Variants in FAM90A1 observed in about 807,000 individuals in gnomAD.
FAM90A1 encodes protein FAM90A1.
In FAM90A1, 10 loss-of-function variants were observed where a neutral mutation model predicts 14.8. That is an observed-to-expected ratio of 0.67 (90% confidence interval 0.42 to 1.14). The LOEUF is 1.14. Ranked by LOEUF, FAM90A1 falls within the 50% of genes most tolerant of loss-of-function variation. The probability of loss-of-function intolerance (pLI) is 0.00; values close to 1 mark genes in which losing one functional copy is unlikely to be tolerated. For synonymous variants in FAM90A1, 236 were observed against 248.4 expected (o/e 0.95, Z 0.47); for missense variants, 567 against 602.8 (o/e 0.94, Z 0.62).
Position 8,221,536 on chromosome 12 carries a change from G to T in FAM90A1, c.*286C>A, listed in dbSNP as rs1437144383. The stretch of plus-strand genomic sequence containing the variant: ...ACGTCCCAGCGGAAGTCTGACTCCT[G>T]CGCGTCATGCAGTTTCTGAGGCAAC... On this transcript the variant is annotated 3_prime_UTR_variant, in exon 7 of 7. Transcript: ENST00000538603. The T allele has an allele frequency of 1.6e-5, 8 of 512,078 alleles. No individual in the cohort carries two copies. The highest frequency in any genetic ancestry group is 2.8e-5 in the Non-Finnish European group (8 of 285,076). 31.7% of individuals were successfully genotyped at this position (512,078 alleles called of 1,614,324 possible).
In FAM90A1 at chr12:8,221,707, C is replaced by T. The variant is rs1416768280; in HGVS notation, c.*115G>A. Reference sequence around the variant, plus strand: ...CCCACATCCACAGAAGGGCCACAGCCGGGGAGCTTCGGAGTCACCGCACAG... The same window carrying T: ...CCCACATCCACAGAAGGGCCACAGCTGGGGAGCTTCGGAGTCACCGCACAG... On this transcript the variant is annotated 3_prime_UTR_variant, in exon 7 of 7. Transcript: ENST00000538603. 15 of 1,216,128 alleles carry T rather than the reference C, an allele frequency of 1.2e-5. No individual in the cohort carries two copies. Among genetic ancestry groups the T allele is most frequent in the Non-Finnish European group, 1.6e-5 (14 of 858,236 alleles). The allele number at this position is 1,216,128 out of a possible 1,614,324, so 75.3% of individuals were successfully genotyped here. A position where few individuals can be genotyped will look rare whatever the true frequency, so the allele number is the denominator to read the frequency against.
In FAM90A1 at chr12:8,227,533, T is replaced by A. The variant is rs1948968131; in HGVS notation, c.-474A>T. The A allele has an allele frequency of 2.1e-6, 2 of 963,930 alleles. No homozygotes were observed. Among genetic ancestry groups the A allele is most frequent in the African/African-American group, 3.4e-5 (2 of 58,458 alleles). The allele number at this position is 963,930 out of a possible 1,614,324, so 59.7% of individuals were successfully genotyped here. ...CTGGCTGCAGGTGCAGGGCTATGCGTCAGGGGTCAGGGTGCACACATCCCT... is the reference window on the plus strand; with the variant it reads ...CTGGCTGCAGGTGCAGGGCTATGCGACAGGGGTCAGGGTGCACACATCCCT... On this transcript the variant is annotated 5_prime_UTR_variant, in exon 1 of 7. Transcript: ENST00000538603.
At chr12:8,224,322 A>C (rs1389474904) in intron 4 of FAM90A1, 107 bp from the exon 5 acceptor site, 1 of 1,012,560 alleles carries the variant, frequency 9.9e-7, no homozygotes, top group East Asian at 2.5e-5. Flanking sequence ...TAAGGATTCC[A>C]AAGAGGGGAC....
In FAM90A1 at chr12:8,221,819, G is replaced by T. The variant is rs768258971; in HGVS notation, c.*3C>A. The T allele has an allele frequency of 1.9e-6, 3 of 1,595,700 alleles. No homozygotes were observed. In the Admixed American group the frequency reaches 5.0e-5, roughly 27 times the overall value. Reference sequence around the variant, plus strand: ...GGCCAAGGAGCCCCTGCCACCTGCAGTCTCACTCCAGGTCAGAATCGCTGT... The same window carrying T: ...GGCCAAGGAGCCCCTGCCACCTGCATTCTCACTCCAGGTCAGAATCGCTGT... On this transcript the variant is annotated 3_prime_UTR_variant, in exon 7 of 7. Transcript: ENST00000538603.
In FAM90A1 at chr12:8,224,697, G is replaced by A; in HGVS notation, c.123+13C>T. The A allele has an allele frequency of 2.6e-6, 3 of 1,171,498 alleles. No homozygotes were observed. Among genetic ancestry groups the A allele is most frequent in the South Asian group, 2.5e-5 (2 of 78,582 alleles). The allele number at this position is 1,171,498 out of a possible 1,614,324, so 72.6% of individuals were successfully genotyped here. A position where few individuals can be genotyped will look rare whatever the true frequency, so the allele number is the denominator to read the frequency against. ...CCCACCCCAATACCCAAGAGATCCA[G>A]GGCTAGACTTACCCTGGGATCTTCT... is the stretch of plus-strand genomic sequence containing the variant. On this transcript the variant is annotated intron_variant, in intron 4 of 6. Coordinates refer to ENST00000538603, the MANE Select transcript of FAM90A1 (RefSeq NM_018088.3).
chr12:8,227,396 G>T (rs1257511712), intron 1 of FAM90A1, 84 bp downstream of exon 1: 2 of 382,850 alleles, frequency 5.2e-6, no homozygotes, highest in African/African-American at 2.1e-5. Flanking sequence ...TCAGGGCAGC[G>T]GGAGTCCTCG....
In FAM90A1 at chr12:8,222,445, C is replaced by T. The variant is rs2120831145; in HGVS notation, c.772G>A (p.Ala258Thr). The T allele has an allele frequency of 5.0e-6, 8 of 1,597,314 alleles. No homozygotes were observed. The highest frequency in any genetic ancestry group is 4.5e-5 in the South Asian group (4 of 89,170). The change falls in exon 7 of 7, where the codon GCA becomes ACA. Residue 258 changes from alanine (A) to threonine (T), a missense_variant. By Grantham distance (58) the Ala-to-Thr change is moderately conservative. Coordinates refer to ENST00000538603, the MANE Select transcript of FAM90A1 (RefSeq NM_018088.3). Reference sequence around the variant, plus strand: ...GTCACCGCAGGACGTTTGTCTTGTGCCTGGGGGCTGACGGCCTGGAGCAGG... The same window carrying T: ...GTCACCGCAGGACGTTTGTCTTGTGTCTGGGGGCTGACGGCCTGGAGCAGG... ...HGLLQAVSPQ[A>T]QDKRPAVTSQ...
chr12:8,225,622 T>C (rs1948926506), intron 3 of FAM90A1, among the ~76,000 whole-genome samples: 1 of 152,026 alleles, frequency 6.6e-6, no homozygotes, highest in African/African-American at 2.4e-5. Context: ...CATGCTGCAG[T>C]ACATTTCTTT....
chr12:8,224,495 AAGT>A (rs1948897649), intron 4 of FAM90A1, among the ~76,000 whole-genome samples: 1 of 152,230 alleles, frequency 6.6e-6, no homozygotes, highest in East Asian at 1.9e-4. Flanking sequence ...ACAGGACTCT[AAGT>A]AGAAAGGGAG....
At position 8,226,408 on chromosome 12, in the gene FAM90A1, G is replaced by A. The variant is rs1948944925; in HGVS notation, c.-350C>T. On this transcript the variant is annotated 5_prime_UTR_variant, in exon 2 of 7. Transcript: ENST00000538603. ...TCCCCACGGTAGGTCTGTCAGCAGA[G>A]AACCCTGACCACACACTCATGTGTT... 1 of 152,242 alleles carries A rather than the reference G, an allele frequency of 6.6e-6. No individual in the cohort carries two copies. The highest frequency in any genetic ancestry group is 2.1e-4 in the South Asian group (1 of 4,832). 9.4% of individuals were successfully genotyped at this position (152,242 alleles called of 1,614,324 possible). A position where few individuals can be genotyped will look rare whatever the true frequency, so the allele number is the denominator to read the frequency against.
chr12:8,222,682 C>G lies in FAM90A1; in HGVS notation c.535G>C (p.Val179Leu). Residue 179 changes from valine to leucine, a missense_variant, in exon 7 of 7, where the codon GTC (valine) becomes CTC (leucine). Val to Leu is a conservative substitution (Grantham distance 32). Transcript: ENST00000538603. ...SATEMSDRGS[V>L]LASLSPLRKA... ...CTGAGGGGAGACAGTGAAGCTAAGA[C>G]GGAGCCCCTGTCAGACATTTCGGTA... 1 of 1,609,974 alleles carries G rather than the reference C, an allele frequency of 6.2e-7. No individual in the cohort carries two copies. Among genetic ancestry groups the G allele is most frequent in the African/African-American group, 1.3e-5 (1 of 74,972 alleles).
intron 4 of FAM90A1, 61 bp from the exon 5 acceptor site, chr12:8,224,276 G>A (rs747579398): frequency 7.2e-5 from 97 of 1,349,914 alleles, no homozygotes; most frequent in Non-Finnish European, 4.4e-5. Flanking sequence ...CCGATCCCAC[G>A]TCAACATTGA....
At position 8,222,296 on chromosome 12, in the gene FAM90A1, T is replaced by C. The variant is rs776047494; in HGVS notation, c.921A>G (p.Lys307=). ...GGATCTGGAAGGGACCCAGTCTCGGTTTCTTGGGGAAGTTCAGGCAAGCCT... is the reference window on the plus strand; with the variant it reads ...GGATCTGGAAGGGACCCAGTCTCGGCTTCTTGGGGAAGTTCAGGCAAGCCT... ...PIQACLNFPK[K]PRLGPFQIPE... Residue 307 remains lysine (K), a synonymous_variant, in exon 7 of 7, where the codon AAA becomes AAG. Transcript: ENST00000538603. 3 of 1,611,326 alleles carry C rather than the reference T, an allele frequency of 1.9e-6. No homozygotes were observed. The highest frequency in any genetic ancestry group is 2.5e-6 in the Non-Finnish European group (3 of 1,179,968).
chr12:8,227,164 C>T (rs1337681407), intron 1 of FAM90A1, among the ~76,000 whole-genome samples: 2 of 152,212 alleles, frequency 1.3e-5, no homozygotes, highest in African/African-American at 2.4e-5. Context: ...CCCTGTCCCT[C>T]AGTTACTGCT....
Position 8,225,842 on chromosome 12 carries a change from T to G in FAM90A1, c.-63A>C, listed in dbSNP as rs377520646. The G allele has an allele frequency of 1.3e-5, 2 of 152,186 alleles. No homozygotes were observed. The allele number at this position is 152,186 out of a possible 1,614,324, so 9.4% of individuals were successfully genotyped here. On this transcript the variant is annotated 5_prime_UTR_variant, in exon 3 of 7. Coordinates refer to ENST00000538603, the MANE Select transcript of FAM90A1 (RefSeq NM_018088.3). ...ACTGTTCAGTGAAACTAACCTGAAA[T>G]TACACGTCTACTTTCTTTCCCCGGC...
At chr12:8,224,915 T>A in intron 3 of FAM90A1, 27 bp from the exon 4 acceptor site, 1 of 1,546,650 alleles carries the variant, frequency 6.5e-7, no homozygotes, top group Non-Finnish European at 8.8e-7. Context: ...CACACACAAG[T>A]CGATGGTTAA....
chr12:8,222,633 G>A lies in FAM90A1; in HGVS notation c.584C>T (p.Ser195Leu), dbSNP rs199973079. Residue 195 changes from serine (S) to leucine (L), a missense_variant, in exon 7 of 7, where the codon TCA becomes TTA. Ser to Leu is a moderately radical substitution (Grantham distance 145). Coordinates refer to ENST00000538603, the MANE Select transcript of FAM90A1 (RefSeq NM_018088.3). ...CTGTCTTTCCTTTGGTCCAAGACTT[G>A]AGGAGGAGCTCAGACTGGCTTTTCT... ...PLRKASLSSSSSLGPKERQTG... is the reference protein window; with the variant it reads ...PLRKASLSSSLSLGPKERQTG... 1,434 of 1,611,470 alleles carry A rather than the reference G, an allele frequency of 8.9e-4. 1 individual carries two copies. Among genetic ancestry groups the A allele is most frequent in the Non-Finnish European group, 1.1e-3 (1,278 of 1,179,498 alleles).
chr12:8,222,046 G>A lies in FAM90A1; in HGVS notation c.1171C>T (p.Pro391Ser), dbSNP rs1165845439. The A allele has an allele frequency of 2.5e-6, 4 of 1,604,534 alleles. No individual in the cohort carries two copies. Among genetic ancestry groups the A allele is most frequent in the Non-Finnish European group, 2.5e-6 (3 of 1,179,942 alleles). The change falls in exon 7 of 7, where the codon CCT becomes TCT. Residue 391 changes from proline (P) to serine (S), a missense_variant. Coordinates refer to ENST00000538603, the MANE Select transcript of FAM90A1 (RefSeq NM_018088.3). ...HPAASHDGAQ[P>S]LRVLFRRLEN... ...AGTCTCCGAAAGAGCACTCTGAGAG[G>A]CTGGGCCCCATCATGGCTGGCCGCT... is the stretch of plus-strand genomic sequence containing the variant.
rs2120833481 is a variant in FAM90A1, at chr12:8,222,620, T to C, written c.597A>G (p.Pro199=). 3 of 1,611,928 alleles carry C rather than the reference T, an allele frequency of 1.9e-6. No individual in the cohort carries two copies. Among genetic ancestry groups the C allele is most frequent in the East Asian group, 4.5e-5 (2 of 44,888 alleles). ...ASLSSSSSLG[P]KERQTGAAAD... is the part of the protein sequence containing the mutation. Reference sequence around the variant, plus strand: ...CCGCAGCCCCTGTCTGTCTTTCCTTTGGTCCAAGACTTGAGGAGGAGCTCA... The same window carrying C: ...CCGCAGCCCCTGTCTGTCTTTCCTTCGGTCCAAGACTTGAGGAGGAGCTCA... Residue 199 remains proline, a synonymous_variant, in exon 7 of 7, where the codon CCA becomes CCG. Coordinates refer to ENST00000538603, the MANE Select transcript of FAM90A1 (RefSeq NM_018088.3).
Sources: gnomAD v4.1 joint callset for allele counts (sites outside exome capture counted in the v4.1 genomes callset) on GRCh38, gnomAD v4.1.1 for gene constraint, MANE v1.5 for transcripts, NCBI Gene and HGNC (gene_info 2026-07-23, HGNC 2026-07-21) for gene names.